MAP2K4: variants seen among roughly 807,000 people sequenced by gnomAD.
The protein encoded by MAP2K4 is mitogen-activated protein kinase kinase 4, also known as dual specificity mitogen-activated protein kinase kinase 4.
MAP2K4 carries 4 observed loss-of-function variants against 48.5 expected under a neutral mutation model. That is an observed-to-expected ratio of 0.08 (90% CI 0.04 to 0.19). The LOEUF (loss-of-function observed/expected upper bound fraction) is 0.19, where lower values mean the gene tolerates loss of function less well. Ranked by LOEUF, MAP2K4 falls within the 10% of genes least tolerant of loss-of-function variation. The pLI is 1.00. For missense variants in MAP2K4, 258 were observed against 493.3 expected, an observed-to-expected ratio of 0.52 and a Z score of 4.52; for synonymous variants, 166 against 173.1, an observed-to-expected ratio of 0.96 and a Z score of 0.32.
intron 2 of MAP2K4, among the ~76,000 whole-genome samples, chr17:12,056,053 C>G (rs1970275109): frequency 6.6e-6 from 1 of 152,010 alleles, no homozygotes; most frequent in South Asian, 2.1e-4. Context: ...ATTAATTAGT[C>G]AGAATTTCAG....
chr17:12,095,349 G>T, intron 3 of MAP2K4: 1 of 534,284 alleles, frequency 1.9e-6, no homozygotes, highest in Non-Finnish European at 3.4e-6. Context: ...TGGTTAAATT[G>T]CCCTGTCTCC....
At chr17:12,025,872 A>G (rs992334952) in intron 1 of MAP2K4, among the ~76,000 whole-genome samples, 1 of 146,078 alleles carries the variant, frequency 6.8e-6, no homozygotes, top group Non-Finnish European at 1.6e-5. Flanking sequence ...TGTTTTTACT[A>G]ATTAGTCTGG....
intron 2 of MAP2K4, among the ~76,000 whole-genome samples, chr17:12,067,784 T>C (rs1009264261): frequency 1.3e-5 from 2 of 152,232 alleles, no homozygotes; most frequent in Admixed American, 1.3e-4. Context: ...TGCCATCTGC[T>C]AGTTACTATG....
At chr17:12,120,087 C>G (rs1972634204) in intron 7 of MAP2K4, among the ~76,000 whole-genome samples, 1 of 152,114 alleles carries the variant, frequency 6.6e-6, no homozygotes, top group African/African-American at 2.4e-5. Flanking sequence ...ATGGTCTGTA[C>G]AACAGACCTC....
chr17:12,034,131 T>C (rs1225039411), intron 1 of MAP2K4, among the ~76,000 whole-genome samples: 1 of 152,224 alleles, frequency 6.6e-6, no homozygotes, highest in Non-Finnish European at 1.5e-5. Context: ...TATTGTTCTT[T>C]TATTTAACCT....
At position 12,061,734 on chromosome 17, in the gene MAP2K4, TTGA is replaced by T. The variant is rs1197031210; in HGVS notation, c.218+6747_218+6749del. The stretch of plus-strand genomic sequence containing the variant: ...GAAGATACATCTGACTTCTTAGCTA[TTGA>T]TGAGTTTTCCAACCATTTCTAATCA... On this transcript the variant is annotated intron_variant, in intron 2 of 10. Coordinates refer to ENST00000353533, the MANE Select transcript of MAP2K4 (RefSeq NM_003010.4). 1.5e-4 allele frequency among the ~76,000 whole-genome samples: 23 copies of T among 152,332 alleles called. No homozygotes were observed. The East Asian group carries it at 4.1e-3, about 27-fold the overall frequency.
At chr17:12,078,336 C>T (rs1971078600) in intron 2 of MAP2K4, among the ~76,000 whole-genome samples, 1 of 151,944 alleles carries the variant, frequency 6.6e-6, no homozygotes, top group South Asian at 2.1e-4. Flanking sequence ...TAAAATAATG[C>T]ACAGAAAATT....
intron 3 of MAP2K4, among the ~76,000 whole-genome samples, chr17:12,086,230 C>T (rs181861807): frequency 2.2e-4 from 33 of 152,208 alleles, no homozygotes; most frequent in Admixed American, 1.8e-3. Flanking sequence ...GGCCGTCGTT[C>T]GGTCAGATCA....
At chr17:12,110,276 A>T in intron 5 of MAP2K4, 99 bp from the exon 6 acceptor site, 1 of 779,054 alleles carries the variant, frequency 1.3e-6, no homozygotes, top group Admixed American at 2.2e-5. Context: ...CTTAAAATGT[A>T]TGCAGAGGAC....
intron 1 of MAP2K4, among the ~76,000 whole-genome samples, chr17:12,027,573 T>C (rs1044002233): frequency 1.3e-5 from 2 of 152,168 alleles, no homozygotes; most frequent in Non-Finnish European, 2.9e-5. Context: ...ATCTGAGATA[T>C]ATATATGTCA....
chr17:12,110,622 T>G (rs1387201315), intron 6 of MAP2K4, 196 bp downstream of exon 6: 4 of 533,034 alleles, frequency 7.5e-6, no homozygotes, highest in Non-Finnish European at 1.3e-5. Context: ...TCAGTCTATC[T>G]TAGTATGTTG....
chr17:12,126,391 A>G (rs1972854241), intron 8 of MAP2K4, among the ~76,000 whole-genome samples: 1 of 152,226 alleles, frequency 6.6e-6, no homozygotes, highest in African/African-American at 2.4e-5. Context: ...GCTCCAACCA[A>G]ATGCTGACCT....
intron 1 of MAP2K4, among the ~76,000 whole-genome samples, chr17:12,039,346 C>CT (rs1567627836): frequency 6.6e-6 from 1 of 152,116 alleles, no homozygotes; most frequent in Non-Finnish European, 1.5e-5. Context: ...ACCCCACTTT[C>CT]TTTTTGGCAG....
At position 12,110,436 on chromosome 17, in the gene MAP2K4, G is replaced by A. The variant is rs201578485; in HGVS notation, c.685+10G>A. The A allele has an allele frequency of 1.2e-5, 19 of 1,590,522 alleles. No homozygotes were observed. The highest frequency in any genetic ancestry group is 1.1e-4 in the East Asian group (5 of 44,546). On this transcript the variant is annotated intron_variant, in intron 6 of 10. Coordinates refer to ENST00000353533, the MANE Select transcript of MAP2K4 (RefSeq NM_003010.4). ...AAAATTATTCACAGAGGTGGGTATG[G>A]ATTGGTATTTTTTGTAATAGAAATT...
chr17:12,043,683 A>G (rs1431626839), intron 1 of MAP2K4, among the ~76,000 whole-genome samples: 2 of 152,154 alleles, frequency 1.3e-5, no homozygotes, highest in South Asian at 2.1e-4. Context: ...GCCAAATGGA[A>G]GAGATAGGAC....
intron 2 of MAP2K4, among the ~76,000 whole-genome samples, chr17:12,056,594 G>T (rs535911422): frequency 6.6e-6 from 1 of 152,124 alleles, no homozygotes; most frequent in Non-Finnish European, 1.5e-5. Flanking sequence ...CTTGATTCTG[G>T]TATGTAAAAA....
chr17:12,126,611 G>T (rs548406793), intron 8 of MAP2K4, among the ~76,000 whole-genome samples: 38 of 152,244 alleles, frequency 2.5e-4, no homozygotes, highest in African/African-American at 8.2e-4. Flanking sequence ...ATTAATGAGG[G>T]TTCCACCCTC....
At chr17:12,024,034 C>A (rs1216119890) in intron 1 of MAP2K4, among the ~76,000 whole-genome samples, 2 of 152,146 alleles carry the variant, frequency 1.3e-5, no homozygotes, top group African/African-American at 4.8e-5. Context: ...CACACAATTT[C>A]TTTAGTTCAT....
At chr17:12,114,829 T>C (rs1191377208) in intron 7 of MAP2K4, among the ~76,000 whole-genome samples, 1 of 152,208 alleles carries the variant, frequency 6.6e-6, no homozygotes, top group Non-Finnish European at 1.5e-5. Flanking sequence ...AAACAGACTT[T>C]CGTCATTCTT....
Sources: gnomAD v4.1 joint callset for allele counts (sites outside exome capture counted in the v4.1 genomes callset) on GRCh38, gnomAD v4.1.1 for gene constraint, MANE v1.5 for transcripts, NCBI Gene and HGNC (gene_info 2026-07-23, HGNC 2026-07-21) for gene names.